Variants in OR51B5 observed in about 807,000 individuals in gnomAD.
OR51B5 encodes the protein olfactory receptor 51B5.
For missense variants in OR51B5, 456 were observed against 374.6 expected (o/e 1.22, Z -1.79); for synonymous variants, 186 against 144.8 (o/e 1.28, Z -2.04).
In OR51B5 at chr11:5,459,887, C is replaced by A. The variant is rs565921504; in HGVS notation, n.84+45682G>T. 2.8e-4 allele frequency among the ~76,000 whole-genome samples: 43 copies of A among 152,180 alleles called. 1 individual carries two copies. The South Asian group carries it at 7.5e-3, about 26-fold the overall frequency. On this transcript the variant is annotated intron_variant and non_coding_transcript_variant, in intron 1 of 4. Transcript: ENST00000415970. ...CATTAATCCTACTACTGGGTATATA[C>A]CCAAAGGTATATAAATTGTTCTACC...
intron 1 of OR51B5, among the ~76,000 whole-genome samples, chr11:5,446,492 A>G (rs922427494): frequency 1.8e-4 from 27 of 152,210 alleles, no homozygotes; most frequent in African/African-American, 6.0e-4. Context: ...TCAAAACACC[A>G]GTGAAAATTC....
chr11:5,407,261 G>T (rs1250795460), intron 1 of OR51B5, among the ~76,000 whole-genome samples: 1 of 152,098 alleles, frequency 6.6e-6, no homozygotes, highest in Non-Finnish European at 1.5e-5. Flanking sequence ...CAATTAAAAA[G>T]CATATAATAA....
intron 1 of OR51B5, among the ~76,000 whole-genome samples, chr11:5,394,324 A>T (rs1455639731): frequency 6.6e-6 from 1 of 152,158 alleles, no homozygotes; most frequent in East Asian, 1.9e-4. Flanking sequence ...ATATTATACC[A>T]AGTTTGACAG....
At chr11:5,431,061 G>GC (rs1564811251) in intron 1 of OR51B5, 2 of 453,580 alleles carry the variant, frequency 4.4e-6, no homozygotes, top group Admixed American at 4.7e-5. Flanking sequence ...CTGAGTGGAG[G>GC]CAGTAGGAGT....
intron 1 of OR51B5, among the ~76,000 whole-genome samples, chr11:5,378,638 A>T (rs560002173): frequency 6.6e-6 from 1 of 152,370 alleles, no homozygotes; most frequent in South Asian, 2.1e-4. Flanking sequence ...AGCCCCATCA[A>T]CAAGTGGGCA....
chr11:5,376,058 G>A (rs1849523279), intron 1 of OR51B5, among the ~76,000 whole-genome samples: 1 of 151,904 alleles, frequency 6.6e-6, no homozygotes, highest in African/African-American at 2.4e-5. Flanking sequence ...CCACATACTT[G>A]GAAGTAAAGC....
At chr11:5,402,791 C>G (rs1035370752) in intron 1 of OR51B5, 2 of 471,482 alleles carry the variant, frequency 4.2e-6, no homozygotes, top group Non-Finnish European at 8.8e-6. Flanking sequence ...TGTACCTCTT[C>G]CTTGCCATGT....
At chr11:5,358,497 A>G (rs1308297378) in intron 1 of OR51B5, among the ~76,000 whole-genome samples, 2 of 152,232 alleles carry the variant, frequency 1.3e-5, no homozygotes, top group Non-Finnish European at 1.5e-5. Context: ...TGAGGCAATA[A>G]TTAATAGCTT....
chr11:5,343,153 G>C lies in OR51B5; in HGVS notation c.372C>G (p.Ile124Met), dbSNP rs769748864. ...CAGAGGTATATCTAAGAGGGTTGCA[G>C]ATGGCAATAAAACGGTCATAGGCCA... Residue 124 changes from isoleucine to methionine, a missense_variant, in exon 1 of 1, where the codon ATC becomes ATG. Ile to Met is a conservative substitution (Grantham distance 10, BLOSUM62 1). Coordinates refer to ENST00000300773, the Ensembl canonical transcript of OR51B5. 10 of 1,613,944 alleles carry C rather than the reference G, an allele frequency of 6.2e-6. No individual in the cohort carries two copies. In the South Asian group the frequency reaches 9.9e-5, roughly 16 times the overall value.
chr11:5,438,752 T>C (rs1014570831), intron 1 of OR51B5, among the ~76,000 whole-genome samples: 3 of 152,174 alleles, frequency 2.0e-5, no homozygotes, highest in African/African-American at 7.2e-5. Flanking sequence ...TTAAACGTCA[T>C]TTGTGGGGAA....
Position 5,410,785 on chromosome 11 carries a change from T to G in OR51B5, n.85-63875A>C, listed in dbSNP as rs559797511. Among the ~76,000 whole-genome samples, 4 of 152,268 alleles carry G rather than the reference T, an allele frequency of 2.6e-5. No homozygotes were observed. The East Asian group carries it at 7.7e-4, about 29-fold the overall frequency. The stretch of plus-strand genomic sequence containing the variant: ...ATATACTGATGATCTTGATCCCGTG[T>G]AGGTCTAGGCTAATGTGTGTGTCCA... On this transcript the variant is annotated intron_variant and non_coding_transcript_variant, in intron 1 of 4. Coordinates refer to the OR51B5 transcript ENST00000415970.
At chr11:5,370,622 G>C (rs1849433055) in intron 1 of OR51B5, among the ~76,000 whole-genome samples, 1 of 152,122 alleles carries the variant, frequency 6.6e-6, no homozygotes, top group Admixed American at 6.6e-5. Flanking sequence ...AGCGGTCATT[G>C]TTTAGTTGTT....
intron 1 of OR51B5, among the ~76,000 whole-genome samples, chr11:5,435,004 T>C (rs926130325): frequency 6.6e-6 from 1 of 152,136 alleles, no homozygotes; most frequent in Non-Finnish European, 1.5e-5. Context: ...ATTTTTTTTC[T>C]AGCCTCCTAC....
intron 1 of OR51B5, among the ~76,000 whole-genome samples, chr11:5,350,359 G>T (rs1163223707): frequency 6.6e-6 from 1 of 152,156 alleles, no homozygotes; most frequent in Non-Finnish European, 1.5e-5. Context: ...ACAGAAAGAG[G>T]TCTTGTAAAT....
chr11:5,409,511 A>C (rs538141558), intron 1 of OR51B5, among the ~76,000 whole-genome samples: 1 of 152,276 alleles, frequency 6.6e-6, no homozygotes, highest in South Asian at 2.1e-4. Flanking sequence ...CTAGAACTAA[A>C]AAAAAATCTA....
intron 1 of OR51B5, among the ~76,000 whole-genome samples, chr11:5,429,449 A>G (rs1564810753): frequency 6.6e-6 from 1 of 152,194 alleles, no homozygotes; most frequent in Non-Finnish European, 1.5e-5. Context: ...GGTGAGGACA[A>G]TATTTTCATT....
intron 1 of OR51B5, among the ~76,000 whole-genome samples, chr11:5,416,848 C>T (rs1178160637): frequency 2.6e-5 from 4 of 151,980 alleles, no homozygotes; most frequent in Admixed American, 2.6e-4. Flanking sequence ...AATGGCCATA[C>T]TGCCCAAGGT....
intron 1 of OR51B5, among the ~76,000 whole-genome samples, chr11:5,417,195 A>C (rs1850256829): frequency 6.6e-6 from 1 of 151,722 alleles, no homozygotes; most frequent in Non-Finnish European, 1.5e-5. Context: ...CCTATTTAAT[A>C]AATGGTGCTG....
At chr11:5,403,144 C>G (rs564485975) in intron 1 of OR51B5, 1 of 468,232 alleles carries the variant, frequency 2.1e-6, no homozygotes, top group Non-Finnish European at 4.4e-6. Context: ...TTCCTATTGT[C>G]TGCACCCCAA....
Sources: gnomAD v4.1 joint callset for allele counts (sites outside exome capture counted in the v4.1 genomes callset) on GRCh38, gnomAD v4.1.1 for gene constraint, MANE v1.5 for transcripts, NCBI Gene and HGNC (gene_info 2026-07-23, HGNC 2026-07-21) for gene names.